The following GRM7 variants were observed in gnomAD, a reference collection of about 807,000 sequenced individuals.
GRM7 encodes metabotropic glutamate receptor 7.
In GRM7, 35 loss-of-function variants were observed where a neutral mutation model predicts 84.5. The ratio of observed to expected loss-of-function variants is 0.41; its 90% confidence interval spans 0.32 to 0.55. GRM7 has a LOEUF of 0.55. Ranked by LOEUF, GRM7 falls within the 20% of genes least tolerant of loss-of-function variation. The pLI, the probability that GRM7 is intolerant of heterozygous loss-of-function variation, is 0.19. For synonymous variants in GRM7, 487 were observed against 455.1 expected (o/e 1.07, Z -0.89); for missense variants, 1,003 against 1,194.6 (o/e 0.84, Z 2.36).
intron 8 of GRM7, among the ~76,000 whole-genome samples, chr3:7,679,125 T>C (rs1279131525): frequency 6.6e-6 from 1 of 152,094 alleles, no homozygotes; most frequent in East Asian, 1.9e-4. Flanking sequence ...GACTTGAGGC[T>C]GTGAGTGCGG....
chr3:6,988,242 C>T (rs1005075193), intron 1 of GRM7, among the ~76,000 whole-genome samples: 7 of 147,376 alleles, frequency 4.7e-5, no homozygotes, highest in Middle Eastern at 3.3e-3. Context: ...ATCTCCTGAC[C>T]TCATGATCTG....
At chr3:7,551,309 T>C (rs1333990577) in intron 7 of GRM7, among the ~76,000 whole-genome samples, 3 of 151,916 alleles carry the variant, frequency 2.0e-5, no homozygotes, top group South Asian at 2.1e-4. Context: ...AAACTCAGGG[T>C]TTTTCACGTG....
intron 5 of GRM7, among the ~76,000 whole-genome samples, chr3:7,437,770 A>G (rs1697120453): frequency 6.6e-6 from 1 of 152,108 alleles, no homozygotes; most frequent in African/African-American, 2.4e-5. Context: ...ATATAACTAT[A>G]TAATTCTTTG....
intron 2 of GRM7, among the ~76,000 whole-genome samples, chr3:7,239,697 A>G (rs2124917691): frequency 6.6e-6 from 1 of 152,268 alleles, no homozygotes; most frequent in Admixed American, 6.5e-5. Context: ...TGATCTGGGA[A>G]AATTTTCTGA....
chr3:7,070,091 A>C (rs1012089717), intron 1 of GRM7, among the ~76,000 whole-genome samples: 1 of 152,252 alleles, frequency 6.6e-6, no homozygotes, highest in Admixed American at 6.5e-5. Context: ...CTCTAAGTCT[A>C]ACCCCAAATC....
chr3:6,903,966 TA>T (rs1166759080), intron 1 of GRM7, among the ~76,000 whole-genome samples: 1 of 152,144 alleles, frequency 6.6e-6, no homozygotes, highest in Admixed American at 6.6e-5. Flanking sequence ...TAATAAATGT[TA>T]TGTGTTTTCA....
At chr3:7,650,899 A>ACC (rs1698904165) in intron 8 of GRM7, among the ~76,000 whole-genome samples, 1 of 152,194 alleles carries the variant, frequency 6.6e-6, no homozygotes, top group African/African-American at 2.4e-5. Context: ...ATTCTAAAAA[A>ACC]GAAAGAGTCA....
At chr3:7,602,671 G>A (rs898102804) in intron 8 of GRM7, among the ~76,000 whole-genome samples, 3 of 152,170 alleles carry the variant, frequency 2.0e-5, no homozygotes, top group African/African-American at 4.8e-5. Flanking sequence ...AGATGTGATT[G>A]TAGGTAATTT....
At chr3:6,907,266 A>C (rs1481697288) in intron 1 of GRM7, among the ~76,000 whole-genome samples, 1 of 152,176 alleles carries the variant, frequency 6.6e-6, no homozygotes, top group Non-Finnish European at 1.5e-5. Context: ...AAAAAGGGGA[A>C]ATTCTTCATC....
At chr3:7,103,229 A>C (rs994963595) in intron 1 of GRM7, among the ~76,000 whole-genome samples, 1 of 151,926 alleles carries the variant, frequency 6.6e-6, no homozygotes, top group Admixed American at 6.6e-5. Flanking sequence ...TGATTAGCTT[A>C]GAATTGTGGA....
chr3:7,704,265 T>G (rs1441367860), intron 9 of GRM7, among the ~76,000 whole-genome samples: 1 of 152,202 alleles, frequency 6.6e-6, no homozygotes, highest in African/African-American at 2.4e-5. Flanking sequence ...TTTTCAACGT[T>G]TTAAAATAAA....
intron 2 of GRM7, among the ~76,000 whole-genome samples, chr3:7,295,162 C>T (rs1452155306): frequency 6.6e-6 from 1 of 152,056 alleles, no homozygotes; most frequent in African/African-American, 2.4e-5. Context: ...GTGTATTATC[C>T]ATTTAGAGTT....
chr3:7,149,114 C>G (rs751621314), intron 2 of GRM7, among the ~76,000 whole-genome samples: 1 of 152,076 alleles, frequency 6.6e-6, no homozygotes, highest in East Asian at 1.9e-4. Flanking sequence ...TGCATTGGAA[C>G]TATATCACAT....
chr3:7,545,842 G>C (rs1693122057), intron 7 of GRM7, among the ~76,000 whole-genome samples: 1 of 152,092 alleles, frequency 6.6e-6, no homozygotes, highest in South Asian at 2.1e-4. Flanking sequence ...TATTTTTCTA[G>C]AGGCACAATT....
intron 2 of GRM7, among the ~76,000 whole-genome samples, chr3:7,202,769 G>A (rs1696108294): frequency 6.6e-6 from 1 of 152,144 alleles, no homozygotes; most frequent in South Asian, 2.1e-4. Flanking sequence ...AAAATCTCCA[G>A]GGAAGGGGTT....
intron 1 of GRM7, among the ~76,000 whole-genome samples, chr3:7,010,101 G>C (rs1258916935): frequency 6.6e-6 from 1 of 152,188 alleles, no homozygotes; most frequent in African/African-American, 2.4e-5. Context: ...GTGTGGGCCA[G>C]TAGATAGAAA....
chr3:7,380,026 T>C (rs752053199), intron 4 of GRM7, among the ~76,000 whole-genome samples: 8 of 152,202 alleles, frequency 5.3e-5, no homozygotes, highest in Non-Finnish European at 1.2e-4. Context: ...TTGTTGGTTC[T>C]ACTCCATTTC....
intron 9 of GRM7, among the ~76,000 whole-genome samples, chr3:7,736,254 G>C (rs1575684699): frequency 6.6e-6 from 1 of 152,104 alleles, no homozygotes; most frequent in Admixed American, 6.5e-5. Context: ...AAAAAATTTA[G>C]ATATCAATCT....
intron 8 of GRM7, among the ~76,000 whole-genome samples, chr3:7,645,791 T>C (rs113951110): frequency 6.6e-6 from 1 of 152,164 alleles, no homozygotes; most frequent in African/African-American, 2.4e-5. Flanking sequence ...CCTTTGCATT[T>C]AGCCCCCACA....
Sources: allele counts gnomAD v4.1 joint callset (sites outside exome capture counted in the v4.1 genomes callset), GRCh38; gene constraint gnomAD v4.1.1; transcripts MANE v1.5; gene names NCBI Gene and HGNC (gene_info 2026-07-23, HGNC 2026-07-21).